CDC42SE2: variants seen among roughly 807,000 people sequenced by gnomAD.
CDC42SE2 encodes the protein CDC42 small effector 2, also known as CDC42 small effector protein 2.
CDC42SE2 carries 3 observed loss-of-function variants against 11.5 expected under a neutral mutation model. The ratio of observed to expected loss-of-function variants is 0.26; its 90% confidence interval spans 0.12 to 0.67. The LOEUF is 0.67. Among genes scored for constraint, CDC42SE2 ranks in the 30% least tolerant of loss-of-function variants. CDC42SE2 has a pLI of 0.80. For synonymous variants in CDC42SE2, 33 were observed against 34.8 expected (o/e 0.95, Z 0.18); for missense variants, 82 against 106.8 (o/e 0.77, Z 1.02).
intron 2 of CDC42SE2, among the ~76,000 whole-genome samples, chr5:131,330,900 C>T (rs1014909308): frequency 6.6e-6 from 1 of 151,530 alleles, no homozygotes; most frequent in South Asian, 2.1e-4. Context: ...GTGGTGCATG[C>T]CTGTAGTCAT....
chr5:131,316,664 A>G (rs1200189924), intron 2 of CDC42SE2, among the ~76,000 whole-genome samples: 1 of 152,160 alleles, frequency 6.6e-6, no homozygotes, highest in Non-Finnish European at 1.5e-5. Flanking sequence ...TATTACGTAG[A>G]TGTGATGTGT....
chr5:131,302,821 CTCT>C (rs1757711032), intron 1 of CDC42SE2, among the ~76,000 whole-genome samples: 1 of 149,558 alleles, frequency 6.7e-6, no homozygotes, highest in African/African-American at 2.5e-5. Flanking sequence ...TGCCTCATGA[CTCT>C]TTTTTTTTTT....
intron 1 of CDC42SE2, among the ~76,000 whole-genome samples, chr5:131,284,013 T>C (rs1757292526): frequency 6.6e-6 from 1 of 152,208 alleles, no homozygotes; most frequent in African/African-American, 2.4e-5. Flanking sequence ...GTATGGTAAC[T>C]CTGTGTTTAA....
intron 1 of CDC42SE2, among the ~76,000 whole-genome samples, chr5:131,279,595 T>C (rs1757195546): frequency 6.6e-6 from 1 of 152,128 alleles, no homozygotes; most frequent in East Asian, 1.9e-4. Context: ...TGATTTCTTT[T>C]ACAAATCAAT....
intron 2 of CDC42SE2, among the ~76,000 whole-genome samples, chr5:131,351,742 CAG>C (rs1375264019): frequency 2.6e-5 from 4 of 152,036 alleles, no homozygotes; most frequent in Non-Finnish European, 5.9e-5. Context: ...GAAAAAGAAA[CAG>C]ATTATCTTTG....
Position 131,359,380 on chromosome 5 carries a change from TA to T in CDC42SE2, c.-110del. On this transcript the variant is annotated 5_prime_UTR_variant, in exon 3 of 5. Transcript: ENST00000505065. Reference sequence around the variant, plus strand: ...CAGGAACAAAAACACGGTGAAATAATAAAATTTCATCTTGGCATCACTGGAC... The same window carrying T: ...CAGGAACAAAAACACGGTGAAATAATAAATTTCATCTTGGCATCACTGGAC... The T allele has an allele frequency of 1.2e-6, 1 of 813,242 alleles. No individual in the cohort carries two copies. 50.4% of individuals were successfully genotyped at this position (813,242 alleles called of 1,614,324 possible).
intron 3 of CDC42SE2, among the ~76,000 whole-genome samples, chr5:131,363,107 G>A (rs746559120): frequency 6.6e-5 from 10 of 151,690 alleles, no homozygotes; most frequent in Non-Finnish European, 1.2e-4. Flanking sequence ...TTGCGCCGCT[G>A]TGCTCCAGCC....
At chr5:131,346,891 T>G (rs534594138) in intron 2 of CDC42SE2, among the ~76,000 whole-genome samples, 2 of 146,160 alleles carry the variant, frequency 1.4e-5, no homozygotes, top group South Asian at 4.2e-4. Flanking sequence ...AACAACCTGC[T>G]CCTGAATGAC....
intron 2 of CDC42SE2, among the ~76,000 whole-genome samples, chr5:131,319,815 G>C (rs937795634): frequency 6.6e-6 from 1 of 152,060 alleles, no homozygotes; most frequent in Non-Finnish European, 1.5e-5. Flanking sequence ...ACTTTGGGAG[G>C]CCGAGGCAGG....
chr5:131,377,766 A>G (rs899379199), intron 3 of CDC42SE2, among the ~76,000 whole-genome samples: 4 of 152,230 alleles, frequency 2.6e-5, no homozygotes, highest in Non-Finnish European at 5.9e-5. Context: ...CAGCATTTCT[A>G]TGAAAGAGAG....
intron 2 of CDC42SE2, among the ~76,000 whole-genome samples, chr5:131,338,904 C>G (rs1274106682): frequency 6.6e-6 from 1 of 152,170 alleles, no homozygotes; most frequent in South Asian, 2.1e-4. Flanking sequence ...AACTTGTGAG[C>G]CTGACCTTGT....
At chr5:131,337,480 C>T (rs1366677713) in intron 2 of CDC42SE2, among the ~76,000 whole-genome samples, 1 of 152,204 alleles carries the variant, frequency 6.6e-6, no homozygotes, top group Non-Finnish European at 1.5e-5. Context: ...GGGAAAACCA[C>T]TACTCTCTTC....
chr5:131,289,130 G>T (rs1757399502), intron 1 of CDC42SE2, among the ~76,000 whole-genome samples: 1 of 152,080 alleles, frequency 6.6e-6, no homozygotes, highest in South Asian at 2.1e-4. Context: ...ATTGTCTGTT[G>T]TATATGTTTT....
the CDC42SE2 span, among the ~76,000 whole-genome samples, chr5:131,238,556 A>C: frequency 6.6e-6 from 1 of 151,834 alleles, no homozygotes; most frequent in Admixed American, 6.6e-5. Context: ...CCCATGGTAC[A>C]TATATACCTA....
chr5:131,248,863 T>C (rs1756617419), intron 1 of CDC42SE2, among the ~76,000 whole-genome samples: 2 of 152,118 alleles, frequency 1.3e-5, no homozygotes, highest in South Asian at 2.1e-4. Context: ...AGACTTATTA[T>C]TATGAATGTA....
At chr5:131,350,887 G>T (rs1758992272) in intron 2 of CDC42SE2, among the ~76,000 whole-genome samples, 1 of 152,100 alleles carries the variant, frequency 6.6e-6, no homozygotes, top group African/African-American at 2.4e-5. Context: ...TTGACAAATA[G>T]ACAAGTGCAA....
chr5:131,388,088 C>T (rs1488794358), intron 4 of CDC42SE2, among the ~76,000 whole-genome samples: 2 of 152,140 alleles, frequency 1.3e-5, no homozygotes, highest in East Asian at 3.9e-4. Flanking sequence ...ACGTCTGCCT[C>T]CTAGGTTCAA....
At position 131,320,309 on chromosome 5, in the gene CDC42SE2, T is replaced by C. The variant is rs1293918842; in HGVS notation, c.-286+4165T>C. The stretch of plus-strand genomic sequence containing the variant: ...CAGGAGGCTGAGGCAGGAGAATAGC[T>C]TGAATCTGGGAGGTGGAGGTTGCAT... On this transcript the variant is annotated intron_variant, in intron 2 of 4. Transcript: ENST00000505065. Among the ~76,000 whole-genome samples, 3 of 151,190 alleles carry C rather than the reference T, an allele frequency of 2.0e-5. No individual in the cohort carries two copies. The East Asian group carries it at 5.8e-4, about 29-fold the overall frequency.
chr5:131,278,840 AGTGGCTTGGTCTTGGCTCACTGCAACCT>A (rs1398161032), intron 1 of CDC42SE2, among the ~76,000 whole-genome samples: 4 of 122,964 alleles, frequency 3.3e-5, no homozygotes, highest in Admixed American at 9.3e-5. Context: ...GCTAGAGTGC[AGTGGCTTGGTCTTGGCTCACTGCAACCT>A]CTGCCTCCTA....
Sources: allele counts gnomAD v4.1 joint callset (sites outside exome capture counted in the v4.1 genomes callset), GRCh38; gene constraint gnomAD v4.1.1; transcripts MANE v1.5; gene names NCBI Gene and HGNC (gene_info 2026-07-23, HGNC 2026-07-21).